The following FGGY variants were observed in gnomAD, a reference collection of about 807,000 sequenced individuals.
The protein encoded by FGGY is FGGY carbohydrate kinase domain containing, also known as FGGY carbohydrate kinase domain-containing protein.
FGGY carries 72 observed loss-of-function variants against 71.3 expected under a neutral mutation model. The observed-to-expected ratio is 1.01, with a 90% CI of 0.84 to 1.23. FGGY has a LOEUF of 1.23. FGGY is among the 50% of genes most tolerant of loss of function. The pLI, the probability that FGGY is intolerant of heterozygous loss-of-function variation, is 0.00. For missense variants in FGGY, 668 were observed against 682.3 expected (o/e 0.98, Z 0.23); for synonymous variants, 251 against 250.3 (o/e 1.00, Z -0.02).
chr1:59,309,708 G>A (rs1174521798), intron 1 of FGGY, among the ~76,000 whole-genome samples: 1 of 151,860 alleles, frequency 6.6e-6, no homozygotes, highest in South Asian at 2.1e-4. Flanking sequence ...AAGCGTGGTG[G>A]CTCTTGCCTG....
intron 14 of FGGY, among the ~76,000 whole-genome samples, chr1:59,717,858 C>A (rs1408501118): frequency 3.3e-5 from 5 of 152,210 alleles, no homozygotes; most frequent in Admixed American, 3.3e-4. Flanking sequence ...TTTCTAATTT[C>A]TCTTCTAATC....
chr1:59,537,794 A>G (rs1303848115), intron 7 of FGGY, among the ~76,000 whole-genome samples: 2 of 152,198 alleles, frequency 1.3e-5, no homozygotes, highest in Non-Finnish European at 2.9e-5. Context: ...GGCTAGCCAT[A>G]TGGAGAAAGC....
intron 2 of FGGY, among the ~76,000 whole-genome samples, chr1:59,326,000 C>T (rs2047372247): frequency 6.6e-6 from 1 of 152,148 alleles, no homozygotes; most frequent in Non-Finnish European, 1.5e-5. Flanking sequence ...TTTAAAGGTT[C>T]CTTTATGGAG....
intron 7 of FGGY, among the ~76,000 whole-genome samples, chr1:59,535,028 C>G (rs1195638569): frequency 3.3e-5 from 5 of 151,942 alleles, no homozygotes; most frequent in African/African-American, 1.2e-4. Flanking sequence ...TTAAAAGACA[C>G]AGACTGGCAA....
At chr1:59,713,637 G>T (rs1365478706) in intron 14 of FGGY, among the ~76,000 whole-genome samples, 2 of 152,198 alleles carry the variant, frequency 1.3e-5, no homozygotes, top group Non-Finnish European at 2.9e-5. Context: ...TAAATATGGA[G>T]CAGTTGCTTT....
intron 10 of FGGY, among the ~76,000 whole-genome samples, chr1:59,637,453 T>TGGTTA (rs1406889583): frequency 6.6e-6 from 1 of 151,910 alleles, no homozygotes; most frequent in Non-Finnish European, 1.5e-5. Flanking sequence ...GCTAACATGG[T>TGGTTA]GAAACCCCGT....
At chr1:59,669,802 C>T (rs990226372) in intron 13 of FGGY, among the ~76,000 whole-genome samples, 12 of 152,266 alleles carry the variant, frequency 7.9e-5, no homozygotes, top group African/African-American at 2.9e-4. Flanking sequence ...GAAACAGGGC[C>T]TCCCAGAGCA....
intron 5 of FGGY, among the ~76,000 whole-genome samples, chr1:59,401,086 A>G (rs1031835736): frequency 7.9e-5 from 12 of 152,218 alleles, no homozygotes; most frequent in Non-Finnish European, 4.4e-5. Flanking sequence ...CAAAAAATAT[A>G]CAATGTTCTT....
In FGGY at chr1:59,544,230, C is replaced by T. The variant is rs2095488081; in HGVS notation, c.800-9894C>T. Among the ~76,000 whole-genome samples, 3 of 151,850 alleles carry T rather than the reference C, an allele frequency of 2.0e-5. 1 individual carries two copies. Among genetic ancestry groups the T allele is most frequent in the Non-Finnish European group, 4.4e-5 (3 of 67,976 alleles). ...GGAGGTATCATACAGAAATGTAGAC[C>T]CAGAGGAACAGTTAAACATGAGTAT... On this transcript the variant is annotated intron_variant, in intron 7 of 15. Coordinates refer to ENST00000303721, the MANE Select transcript of FGGY (RefSeq NM_018291.5).
intron 14 of FGGY, among the ~76,000 whole-genome samples, chr1:59,736,672 G>A (rs1357039306): frequency 6.6e-6 from 1 of 152,208 alleles, no homozygotes; most frequent in African/African-American, 2.4e-5. Flanking sequence ...GCAAAGCATT[G>A]AGGAGGTGAC....
chr1:59,392,928 A>G (rs186176040), intron 5 of FGGY, among the ~76,000 whole-genome samples: 1 of 152,274 alleles, frequency 6.6e-6, no homozygotes, highest in Non-Finnish European at 1.5e-5. Flanking sequence ...AACTGCATTC[A>G]CCAATAAAAA....
At chr1:59,418,697 C>T (rs1409716288) in intron 5 of FGGY, among the ~76,000 whole-genome samples, 2 of 152,042 alleles carry the variant, frequency 1.3e-5, no homozygotes, top group Non-Finnish European at 2.9e-5. Context: ...AAAAGGATGG[C>T]AGTTTTTTGA....
intron 6 of FGGY, among the ~76,000 whole-genome samples, chr1:59,464,103 A>T (rs577515968): frequency 2.0e-5 from 3 of 152,338 alleles, no homozygotes; most frequent in East Asian, 3.9e-4. Flanking sequence ...AAAATTGACC[A>T]CATAGTTGGA....
chr1:59,341,565 C>G (rs1363470056), intron 3 of FGGY, among the ~76,000 whole-genome samples: 1 of 152,122 alleles, frequency 6.6e-6, no homozygotes, highest in Non-Finnish European at 1.5e-5. Flanking sequence ...TCCTGTGTTC[C>G]AAGCCCTGTC....
chr1:59,576,506 A>G (rs1413917796), intron 8 of FGGY, among the ~76,000 whole-genome samples: 2 of 152,172 alleles, frequency 1.3e-5, no homozygotes, highest in Admixed American at 6.5e-5. Flanking sequence ...ACCATGGCAC[A>G]TGTATACTTA....
chr1:59,386,362 G>A (rs2060072612), intron 5 of FGGY, among the ~76,000 whole-genome samples: 3 of 152,104 alleles, frequency 2.0e-5, no homozygotes, highest in Admixed American at 2.0e-4. Context: ...TTTGTCTGAT[G>A]TTTTCTCATG....
At chr1:59,710,319 T>G (rs1422274525) in intron 14 of FGGY, among the ~76,000 whole-genome samples, 1 of 152,218 alleles carries the variant, frequency 6.6e-6, no homozygotes, top group African/African-American at 2.4e-5. Context: ...AAGATTTAAA[T>G]GTAAGACTTA....
chr1:59,561,997 C>T (rs2095799701), intron 8 of FGGY, among the ~76,000 whole-genome samples: 1 of 152,200 alleles, frequency 6.6e-6, no homozygotes. Flanking sequence ...TACTCCTACT[C>T]ATCTTAGAAT....
Position 59,674,034 on chromosome 1 carries a change from C to T in FGGY, c.1418-5C>T, listed in dbSNP as rs781024042. 2.0e-5 allele frequency: 33 copies of T among 1,612,558 alleles called. No homozygotes were observed. Among genetic ancestry groups the T allele is most frequent in the Admixed American group, 2.0e-4 (12 of 59,864 alleles). ...CTAACCAAGGTGTGGCCTTGTCCTG[C>T]GCAGGCATGCCTGTGGTCCTGTCGC... On this transcript the variant is annotated splice_polypyrimidine_tract_variant and splice_region_variant and intron_variant, in intron 13 of 15. Transcript: ENST00000303721.
Sources: allele counts gnomAD v4.1 joint callset (sites outside exome capture counted in the v4.1 genomes callset), GRCh38; gene constraint gnomAD v4.1.1; transcripts MANE v1.5; gene names NCBI Gene and HGNC (gene_info 2026-07-23, HGNC 2026-07-21).